Variants in ATP5F1A observed in about 807,000 individuals in gnomAD.
ATP5F1A encodes the protein ATP synthase F1 subunit alpha, also known as ATP synthase F(1) complex subunit alpha, mitochondrial.
In ATP5F1A, 24 loss-of-function variants were observed where a neutral mutation model predicts 57.4. That is an observed-to-expected ratio of 0.42 (90% CI 0.30 to 0.59). The LOEUF is 0.59. Ranked by LOEUF, ATP5F1A falls within the 20% of genes least tolerant of loss-of-function variation. ATP5F1A has a pLI of 0.19. For missense variants in ATP5F1A, 494 were observed against 707.9 expected (o/e 0.70, Z 3.43); for synonymous variants, 251 against 255.5 (o/e 0.98, Z 0.17).
At chr18:46,098,120 C>T (rs2144224536) in intron 1 of ATP5F1A, 52 bp downstream of exon 1, 2 of 1,563,304 alleles carry the variant, frequency 1.3e-6, no homozygotes, top group Non-Finnish European at 1.7e-6. Flanking sequence ...GGCGCACCAC[C>T]ACCCTGCAGC....
Position 46,084,102 on chromosome 18 carries a change from A to G in ATP5F1A, c.*180T>C, listed in dbSNP as rs896720940. On this transcript the variant is annotated 3_prime_UTR_variant, in exon 12 of 12. Transcript: ENST00000398752. ...GAAGCATTTGCTTACCAATTTCTCA[A>G]TTTGATCTTGGTTTTAAAGAATAAC... 1.9e-6 allele frequency: 1 copy of G among 517,684 alleles called. No individual in the cohort carries two copies. Among genetic ancestry groups the G allele is most frequent in the Non-Finnish European group, 3.3e-6 (1 of 304,248 alleles). 32.1% of individuals were successfully genotyped at this position (517,684 alleles called of 1,614,324 possible). A position where few individuals can be genotyped will look rare whatever the true frequency, so the allele number is the denominator to read the frequency against.
chr18:46,103,070 G>C (rs938149213), upstream of ATP5F1A, among the ~76,000 whole-genome samples: 5 of 152,192 alleles, frequency 3.3e-5, no homozygotes, highest in African/African-American at 1.2e-4. Flanking sequence ...GAGAGGCCGA[G>C]GCAGGCAGAT....
chr18:46,096,033 C>T (rs1247760414), intron 1 of ATP5F1A, among the ~76,000 whole-genome samples: 3 of 151,866 alleles, frequency 2.0e-5, no homozygotes, highest in South Asian at 2.1e-4. Flanking sequence ...GGACTACAGG[C>T]GACCACCACC....
intron 3 of ATP5F1A, 134 bp from the exon 4 acceptor site, chr18:46,090,130 G>C (rs1910453107): frequency 1.3e-6 from 1 of 778,664 alleles, no homozygotes; most frequent in African/African-American, 1.8e-5. Context: ...TTATTCTTGA[G>C]TACTTTTCCA....
At position 46,086,278 on chromosome 18, in the gene ATP5F1A, T is replaced by C. The variant is rs770513351; in HGVS notation, c.1285-21A>G. 5 of 1,613,816 alleles carry C rather than the reference T, an allele frequency of 3.1e-6. No individual in the cohort carries two copies. In the South Asian group the frequency reaches 5.5e-5, roughly 18 times the overall value. On this transcript the variant is annotated intron_variant, in intron 9 of 11. Transcript: ENST00000398752. ...GCTACCTGCAATACAGAAATTACTG[T>C]ACTGTAACTCAGTGACACAGAGCAC...
intron 3 of ATP5F1A, 89 bp from the exon 4 acceptor site, chr18:46,090,085 T>TGGGGGGGGG (rs71264822): frequency 1.8e-4 from 25 of 137,966 alleles, no homozygotes; most frequent in South Asian, 3.8e-4. Context: ...AGTCGGGGGG[T>TGGGGGGGGG]GGGGGGGGAA....
intron 1 of ATP5F1A, among the ~76,000 whole-genome samples, chr18:46,095,967 C>A (rs1025179981): frequency 6.6e-6 from 1 of 151,980 alleles, no homozygotes; most frequent in Non-Finnish European, 1.5e-5. Context: ...TGGCTCATTG[C>A]AACCTTCACC....
rs1909758388 is a variant in ATP5F1A at position 46,081,686 on chromosome 18, A to AAAC, written c.*2595_*2596insGTT. Reference sequence around the variant, plus strand: ...AAAAAAAAAAAACAAAAAAAAAAAAAAAAAAAAAAAACGAAATGTGCAGAA... The same window carrying AAAC: ...AAAAAAAAAAAACAAAAAAAAAAAAAAACAAAAAAAAAAACGAAATGTGCAGAA... On this transcript the variant is annotated 3_prime_UTR_variant, in exon 12 of 12. Transcript: ENST00000398752. The AAAC allele has an allele frequency of 1.3e-5, 2 of 149,176 alleles. No individual in the cohort carries two copies. Among genetic ancestry groups the AAAC allele is most frequent in the African/African-American group, 4.9e-5 (2 of 40,810 alleles). 9.2% of individuals were successfully genotyped at this position (149,176 alleles called of 1,614,324 possible).
upstream of ATP5F1A, chr18:46,098,445 C>A (rs2144226599): frequency 2.2e-6 from 3 of 1,339,954 alleles, no homozygotes; most frequent in Non-Finnish European, 2.9e-6. Context: ...TAAGTTTAAA[C>A]CTCAAAATGA....
At chr18:46,095,690 CACT>C (rs1442337115) in intron 1 of ATP5F1A, among the ~76,000 whole-genome samples, 1 of 151,792 alleles carries the variant, frequency 6.6e-6, no homozygotes, top group Non-Finnish European at 1.5e-5. Context: ...AATCACGGCT[CACT>C]ACAGCCTCGA....
Position 46,091,673 on chromosome 18 carries a change from A to G in ATP5F1A, c.309+9T>C, listed in dbSNP as rs753683612. 1.3e-6 allele frequency: 2 copies of G among 1,570,894 alleles called. No individual in the cohort carries two copies. The highest frequency in any genetic ancestry group is 1.7e-6 in the Non-Finnish European group (2 of 1,162,770). The stretch of plus-strand genomic sequence containing the variant: ...TCCTAAAACACCAAAATCTTATTTT[A>G]TAATTTACCTTTAAGCCTGAAGAAA... On this transcript the variant is annotated intron_variant, in intron 3 of 11. Coordinates refer to ENST00000398752, the MANE Select transcript of ATP5F1A (RefSeq NM_004046.6).
At position 46,084,556 on chromosome 18, in the gene ATP5F1A, C is replaced by T. The variant is rs1909946043; in HGVS notation, c.1528G>A (p.Ala510Thr). The change falls in exon 11 of 12, where the codon GCT becomes ACT. Residue 510 changes from alanine (A) to threonine (T), a missense_variant. Physicochemically the swap from Ala to Thr is moderately conservative, Grantham distance 58 (BLOSUM62 0). Coordinates refer to ENST00000398752, the MANE Select transcript of ATP5F1A (RefSeq NM_004046.6). ...EPSKITKFEN[A>T]FLSHVVSQHQ... is the part of the protein sequence containing the mutation. ...TGGCTGACGACATGAGACAAGAAAG[C>T]ATTCTCAAACTTTGTAATCTTGCTG... 1.2e-6 allele frequency: 2 copies of T among 1,612,786 alleles called. No individual in the cohort carries two copies. The highest frequency in any genetic ancestry group is 1.7e-6 in the Non-Finnish European group (2 of 1,179,664).
At chr18:46,086,755 A>G (rs562221900) in intron 8 of ATP5F1A, 1 of 599,312 alleles carries the variant, frequency 1.7e-6, no homozygotes, top group African/African-American at 1.9e-5. Context: ...TTTGATTCAA[A>G]ATTATCTAGA....
rs1485510601 is a variant in ATP5F1A, at chr18:46,083,504, T to A, written c.*778A>T. The A allele has an allele frequency of 2.6e-5, 4 of 152,232 alleles. No homozygotes were observed. 9.4% of individuals were successfully genotyped at this position (152,232 alleles called of 1,614,324 possible). The stretch of plus-strand genomic sequence containing the variant: ...CCTATGCATTCTATCTTCTCAGCTT[T>A]TGTTCCAGCAATTTTTTCATTTCCC... On this transcript the variant is annotated 3_prime_UTR_variant, in exon 12 of 12. Transcript: ENST00000398752.
upstream of ATP5F1A, among the ~76,000 whole-genome samples, chr18:46,103,081 C>T (rs1313359837): frequency 2.0e-5 from 3 of 152,110 alleles, no homozygotes; most frequent in African/African-American, 7.2e-5. Context: ...GCAGGCAGAT[C>T]ACTTGAGGTC....
upstream of ATP5F1A, chr18:46,098,469 T>G: frequency 8.0e-7 from 1 of 1,247,272 alleles, no homozygotes; most frequent in Non-Finnish European, 1.0e-6. Flanking sequence ...ATTAGATATA[T>G]TCCGGCTTTG....
chr18:46,088,019 A>G, intron 6 of ATP5F1A, 90 bp downstream of exon 6: 2 of 1,439,630 alleles, frequency 1.4e-6, no homozygotes. Flanking sequence ...GGAAGTAATT[A>G]AAATATGCCT....
At chr18:46,101,970 C>T (rs553084043), upstream of ATP5F1A, among the ~76,000 whole-genome samples, 63 of 151,742 alleles carry the variant, frequency 4.2e-4, no homozygotes, top group Non-Finnish European at 6.5e-4. Context: ...GTCAGGAGAT[C>T]GAGACCATCC....
intron 2 of ATP5F1A, chr18:46,092,117 C>G (rs778671311): frequency 5.6e-6 from 1 of 177,242 alleles, no homozygotes; most frequent in East Asian, 1.5e-4. Flanking sequence ...GCGGAGGTTG[C>G]GGTGAGCTGA....
Sources: gnomAD v4.1 joint callset for allele counts (sites outside exome capture counted in the v4.1 genomes callset) on GRCh38, gnomAD v4.1.1 for gene constraint, MANE v1.5 for transcripts, NCBI Gene and HGNC (gene_info 2026-07-23, HGNC 2026-07-21) for gene names.